Variants in RHOBTB3 observed in about 807,000 individuals in gnomAD.
RHOBTB3 encodes rho-related BTB domain-containing protein 3.
In RHOBTB3, 47 loss-of-function variants were observed where a neutral mutation model predicts 67.2. That is an observed-to-expected ratio of 0.70 (90% CI 0.55 to 0.89). RHOBTB3 has a LOEUF of 0.89. Ranked by LOEUF, RHOBTB3 falls within the 40% of genes least tolerant of loss-of-function variation. RHOBTB3 has a pLI of 0.00. For synonymous variants in RHOBTB3, 273 were observed against 274.2 expected (o/e 1.00, Z 0.04); for missense variants, 631 against 750.0 (o/e 0.84, Z 1.85).
intron 6 of RHOBTB3, among the ~76,000 whole-genome samples, chr5:95,760,838 G>A (rs1745374373): frequency 6.6e-6 from 1 of 152,230 alleles, no homozygotes; most frequent in Admixed American, 6.5e-5. Flanking sequence ...TAAATCTGAT[G>A]TTAAATGTTT....
chr5:95,746,959 G>A (rs1479947120), intron 3 of RHOBTB3, among the ~76,000 whole-genome samples: 1 of 152,212 alleles, frequency 6.6e-6, no homozygotes, highest in African/African-American at 2.4e-5. Context: ...TGCTCCATCT[G>A]TATGCAATTC....
At position 95,737,058 on chromosome 5, in the gene RHOBTB3, T is replaced by C; in HGVS notation, c.398T>C (p.Val133Ala). 1 of 1,588,132 alleles carries C rather than the reference T, an allele frequency of 6.3e-7. No individual in the cohort carries two copies. The highest frequency in any genetic ancestry group is 1.3e-5 in the African/African-American group (1 of 74,452). ...TCAGTTCCAGTAATTATTGCTGCTG[T>C]TGGTACCAGACAAAATGGTAAGTAT... ...LNSVPVIIAA[V>A]GTRQNEELPC... Residue 133 changes from valine to alanine, a missense_variant, in exon 3 of 12, where the codon GTT (valine) becomes GCT (alanine). Val to Ala is a moderately conservative substitution (Grantham distance 64). Transcript: ENST00000379982.
Position 95,788,815 on chromosome 5 carries a change from C to T in RHOBTB3, c.1677C>T (p.Asn559=). The T allele has an allele frequency of 6.3e-7, 1 of 1,577,086 alleles. No homozygotes were observed. The highest frequency in any genetic ancestry group is 8.6e-7 in the Non-Finnish European group (1 of 1,167,650). The change falls in exon 11 of 12, where the codon AAC becomes AAT. Residue 559 remains asparagine, a synonymous_variant. Coordinates refer to ENST00000379982, the MANE Select transcript of RHOBTB3 (RefSeq NM_014899.4). ...GGCTACTTCATTTCATTGCTACTAA[C>T]TACCTCATCTTCAGTCAAAAGCCTG... is the stretch of plus-strand genomic sequence containing the variant. The part of the protein sequence containing the change: ...STWLLHFIAT[N]YLIFSQKPEF...
In RHOBTB3 at chr5:95,764,244, G is replaced by T. The variant is rs556210466; in HGVS notation, c.1161+624G>T. Among the ~76,000 whole-genome samples the T allele has an allele frequency of 1.3e-5, 2 of 152,252 alleles. 1 individual carries two copies. Among genetic ancestry groups the T allele is most frequent in the South Asian group, 4.2e-4 (2 of 4,818 alleles). The stretch of plus-strand genomic sequence containing the variant: ...TACACAATCTATATCATGAATAAAA[G>T]GCTGTTTAATTTGTCCAGGTACAGT... On this transcript the variant is annotated intron_variant, in intron 7 of 11. Coordinates refer to ENST00000379982, the MANE Select transcript of RHOBTB3 (RefSeq NM_014899.4).
intron 11 of RHOBTB3, chr5:95,789,779 T>C (rs1746322754): frequency 6.6e-6 from 1 of 152,232 alleles, no homozygotes; most frequent in Admixed American, 6.5e-5. Context: ...GTCATAGTAG[T>C]TCCACTTTAT....
chr5:95,755,381 T>G lies in RHOBTB3; in HGVS notation c.683-15T>G. The G allele has an allele frequency of 3.4e-6, 5 of 1,480,186 alleles. No individual in the cohort carries two copies. Among genetic ancestry groups the G allele is most frequent in the Non-Finnish European group, 4.5e-6 (5 of 1,116,302 alleles). 91.7% of individuals were successfully genotyped at this position (1,480,186 alleles called of 1,614,324 possible). A position where few individuals can be genotyped will look rare whatever the true frequency, so the allele number is the denominator to read the frequency against. The stretch of plus-strand genomic sequence containing the variant: ...TGAAAGGAGTTTATTATTTTTATTT[T>G]CTTTTTCAAAACAGAAAAAATGCCT... On this transcript the variant is annotated splice_polypyrimidine_tract_variant and intron_variant, in intron 5 of 11. Coordinates refer to ENST00000379982, the MANE Select transcript of RHOBTB3 (RefSeq NM_014899.4).
chr5:95,780,282 T>C lies in RHOBTB3; in HGVS notation c.1313T>C (p.Leu438Pro). 6.2e-7 allele frequency: 1 copy of C among 1,613,928 alleles called. No individual in the cohort carries two copies. Among genetic ancestry groups the C allele is most frequent in the Non-Finnish European group, 8.5e-7 (1 of 1,179,794 alleles). Residue 438 changes from leucine to proline, a missense_variant, in exon 9 of 12, where the codon CTG becomes CCG. Leu to Pro is a moderately conservative substitution (Grantham distance 98). Transcript: ENST00000379982. ...GTTVPAHRAI[L>P]VARCEVMAAM... ...ACAGTGCCAGCCCACAGGGCCATCC[T>C]GGTGGCCCGTTGTGAAGTGATGGCA... is the stretch of plus-strand genomic sequence containing the variant.
intron 7 of RHOBTB3, among the ~76,000 whole-genome samples, chr5:95,764,173 G>A (rs942756417): frequency 4.6e-5 from 7 of 152,120 alleles, no homozygotes; most frequent in African/African-American, 1.4e-4. Flanking sequence ...TAAAATGCTC[G>A]TTTGCGAATT....
At chr5:95,772,334 C>T (rs1324955959) in intron 8 of RHOBTB3, among the ~76,000 whole-genome samples, 1 of 152,202 alleles carries the variant, frequency 6.6e-6, no homozygotes, top group African/African-American at 2.4e-5. Context: ...GACCAAGCAT[C>T]TCTGATCTTC....
At chr5:95,752,963 C>G (rs561265636) in intron 5 of RHOBTB3, among the ~76,000 whole-genome samples, 73 of 152,086 alleles carry the variant, frequency 4.8e-4, no homozygotes, top group South Asian at 3.5e-3. Context: ...AACCCCGTCT[C>G]CACTAAAAAT....
intron 7 of RHOBTB3, among the ~76,000 whole-genome samples, chr5:95,766,947 G>A (rs572567981): frequency 1.2e-3 from 186 of 151,814 alleles, no homozygotes; most frequent in African/African-American, 4.3e-3. Flanking sequence ...AGCTGGGCCC[G>A]GTGGCTCACA....
chr5:95,725,621 T>C (rs1755031075), intron 1 of RHOBTB3, among the ~76,000 whole-genome samples: 1 of 152,252 alleles, frequency 6.6e-6, no homozygotes, highest in African/African-American at 2.4e-5. Context: ...GTGTGTTGTA[T>C]TGCACAACAA....
At position 95,786,830 on chromosome 5, in the gene RHOBTB3, C is replaced by T. The variant is rs118134006; in HGVS notation, c.1624-1932C>T. Among the ~76,000 whole-genome samples the T allele has an allele frequency of 2.0e-3, 303 of 152,252 alleles. 14 individuals carry two copies. In the East Asian group the frequency reaches 0.053, roughly 27 times the overall value. Reference sequence around the variant, plus strand: ...ATTTCAGTTTGAACCCATTTTCTTACGTCAACACATATCCTTCTAAAACCT... The same window carrying T: ...ATTTCAGTTTGAACCCATTTTCTTATGTCAACACATATCCTTCTAAAACCT... On this transcript the variant is annotated intron_variant, in intron 10 of 11. Coordinates refer to ENST00000379982, the MANE Select transcript of RHOBTB3 (RefSeq NM_014899.4).
chr5:95,725,153 T>A (rs1221969083), intron 1 of RHOBTB3, among the ~76,000 whole-genome samples: 1 of 152,110 alleles, frequency 6.6e-6, no homozygotes, highest in Non-Finnish European at 1.5e-5. Flanking sequence ...AGCCCACGAG[T>A]GTATCTACAA....
chr5:95,734,237 A>G (rs529046259), intron 2 of RHOBTB3, among the ~76,000 whole-genome samples: 112 of 152,310 alleles, frequency 7.4e-4, no homozygotes, highest in African/African-American at 2.3e-3. Context: ...TTCATACTTC[A>G]TACATGCAGC....
intron 2 of RHOBTB3, among the ~76,000 whole-genome samples, chr5:95,736,374 T>C (rs538431455): frequency 1.5e-3 from 226 of 152,300 alleles, no homozygotes; most frequent in African/African-American, 5.1e-3. Flanking sequence ...GTCCAAAGGA[T>C]GGATAAAGTT....
intron 8 of RHOBTB3, chr5:95,768,984 C>T (rs975281504): frequency 3.0e-5 from 6 of 202,898 alleles, no homozygotes; most frequent in East Asian, 2.9e-4. Context: ...CAAGCTCTGC[C>T]GCTGCCCCAT....
chr5:95,732,374 C>T (rs1755310766), intron 2 of RHOBTB3: 2 of 572,012 alleles, frequency 3.5e-6, no homozygotes, highest in Non-Finnish European at 3.1e-6. Flanking sequence ...GTTGAATGTG[C>T]CAACTCCAAG....
chr5:95,758,789 G>C (rs1745317174), intron 6 of RHOBTB3, among the ~76,000 whole-genome samples: 1 of 152,178 alleles, frequency 6.6e-6, no homozygotes, highest in South Asian at 2.1e-4. Context: ...CCTGGAGTGG[G>C]GCATGAGATT....
Sources: gnomAD v4.1 joint callset for allele counts (sites outside exome capture counted in the v4.1 genomes callset) on GRCh38, gnomAD v4.1.1 for gene constraint, MANE v1.5 for transcripts, NCBI Gene and HGNC (gene_info 2026-07-23, HGNC 2026-07-21) for gene names.